The following OSBPL3 variants were observed in gnomAD, a reference collection of about 807,000 sequenced individuals.
The protein encoded by OSBPL3 is oxysterol-binding protein-related protein 3.
A neutral mutation model predicts 120.1 loss-of-function variants in OSBPL3; 65 were observed. That is an observed-to-expected ratio of 0.54 (90% confidence interval 0.44 to 0.67). The LOEUF (loss-of-function observed/expected upper bound fraction) is 0.67, where lower values mean the gene tolerates loss of function less well. Among genes scored for constraint, OSBPL3 ranks in the 30% least tolerant of loss-of-function variants. The pLI, the probability that OSBPL3 is intolerant of heterozygous loss-of-function variation, is 0.00. For missense variants in OSBPL3, 1,004 were observed against 1,082.1 expected, an observed-to-expected ratio of 0.93 and a Z score of 1.01; for synonymous variants, 416 against 402.6, an observed-to-expected ratio of 1.03 and a Z score of -0.40.
chr7:24,834,338 C>T lies in OSBPL3; in HGVS notation c.1746+148G>A. 1.4e-6 allele frequency: 2 copies of T among 1,478,596 alleles called. No individual in the cohort carries two copies. The highest frequency in any genetic ancestry group is 2.4e-5 in the Admixed American group (1 of 40,998). The allele number at this position is 1,478,596 out of a possible 1,614,324, so 91.6% of individuals were successfully genotyped here. A position where few individuals can be genotyped will look rare whatever the true frequency, so the allele number is the denominator to read the frequency against. Reference sequence around the variant, plus strand: ...ACTGGAAACAGCCAGGCGGAGGAAGCCAGACAGCTCTGAGTAATGAACCTG... The same window carrying T: ...ACTGGAAACAGCCAGGCGGAGGAAGTCAGACAGCTCTGAGTAATGAACCTG... On this transcript the variant is annotated intron_variant, in intron 15 of 22. Coordinates refer to ENST00000313367, the MANE Select transcript of OSBPL3 (RefSeq NM_015550.4). This position sits in a 1 kb window ranked among gnomAD's most constrained non-coding sequence, Gnocchi z 5.2.
At position 24,959,671 on chromosome 7, in the gene OSBPL3, G is replaced by A. The variant is rs1815494903; in HGVS notation, c.-150+20215C>T. On this transcript the variant is annotated intron_variant, in intron 1 of 22. Coordinates refer to ENST00000313367, the MANE Select transcript of OSBPL3 (RefSeq NM_015550.4). This position sits in a 1 kb window ranked among gnomAD's most constrained non-coding sequence, Gnocchi z 4.3. ...TTGATGCTTTGTATACTTTTCTGCA[G>A]GCATATTATACTTTAACAAAAATGT... Among the ~76,000 whole-genome samples, 1 of 152,104 alleles carries A rather than the reference G, an allele frequency of 6.6e-6. No homozygotes were observed. The highest frequency in any genetic ancestry group is 1.9e-4 in the East Asian group (1 of 5,198).
chr7:24,857,092 G>A (rs567781526), intron 10 of OSBPL3, among the ~76,000 whole-genome samples: 174 of 152,130 alleles, frequency 1.1e-3, no homozygotes, highest in African/African-American at 4.1e-3. Flanking sequence ...TAACACACTT[G>A]GCTTTTTATT....
In OSBPL3 at chr7:24,863,071, A is replaced by G. The variant is rs1800802368; in HGVS notation, c.870+129T>C. The G allele has an allele frequency of 1.5e-6, 1 of 687,162 alleles. No homozygotes were observed. The highest frequency in any genetic ancestry group is 2.2e-5 in the Admixed American group (1 of 45,164). The allele number at this position is 687,162 out of a possible 1,614,324, so 42.6% of individuals were successfully genotyped here. A position where few individuals can be genotyped will look rare whatever the true frequency, so the allele number is the denominator to read the frequency against. ...GATTCAATTCATCTCGCTACAGAGG[A>G]CACTGGAAAGAACAACTACAGAATA... On this transcript the variant is annotated intron_variant, in intron 9 of 22. Transcript: ENST00000313367. The surrounding 1 kb of genome is among the most constrained non-coding windows in gnomAD (Gnocchi z 5.8).
In OSBPL3 at chr7:24,967,912, ACTCT is replaced by A. The variant is rs1410455669; in HGVS notation, c.-150+11970_-150+11973del. Among the ~76,000 whole-genome samples, 1 of 151,724 alleles carries A rather than the reference ACTCT, an allele frequency of 6.6e-6. No homozygotes were observed. Among genetic ancestry groups the A allele is most frequent in the African/African-American group, 2.4e-5 (1 of 41,246 alleles). Reference sequence around the variant, plus strand: ...GCTCAGCATATTCAAAACCAAAAGCACTCTCTTTCTCTAAGATCTACTCATCTTC... The same window carrying A: ...GCTCAGCATATTCAAAACCAAAAGCACTTTCTCTAAGATCTACTCATCTTC... On this transcript the variant is annotated intron_variant, in intron 1 of 22. Coordinates refer to ENST00000313367, the MANE Select transcript of OSBPL3 (RefSeq NM_015550.4). The surrounding 1 kb of genome is among the most constrained non-coding windows in gnomAD (Gnocchi z 5.6).
At chr7:24,921,161 T>C (rs781052818) in intron 1 of OSBPL3, among the ~76,000 whole-genome samples, 23 of 151,926 alleles carry the variant, frequency 1.5e-4, no homozygotes, top group Non-Finnish European at 2.2e-4. Flanking sequence ...ATCTTTGCTC[T>C]ATATGCTTGC....
rs1809753053 is a variant in OSBPL3, at chr7:24,917,403, T to TATATATATATATATATATATTTGTAAC, written c.-149-24783_-149-24782insGTTACAAATATATATATATATATATAT. Reference sequence around the variant, plus strand: ...GTAACATATATATATATTTGTAACATATATATATATATATATATATATATT... The same window carrying TATATATATATATATATATATTTGTAAC: ...GTAACATATATATATATTTGTAACATATATATATATATATATATATTTGTAACATATATATATATATATATATATATT... On this transcript the variant is annotated intron_variant, in intron 1 of 22. Transcript: ENST00000313367. 7.9e-5 allele frequency among the ~76,000 whole-genome samples: 6 copies of TATATATATATATATATATATTTGTAAC among 76,092 alleles called. No homozygotes were observed. The East Asian group carries it at 2.2e-3, about 27-fold the overall frequency. 49.9% of individuals were successfully genotyped at this position (76,092 alleles called of 152,430 possible).
At chr7:24,908,606 G>A (rs1224810168) in intron 1 of OSBPL3, among the ~76,000 whole-genome samples, 1 of 152,134 alleles carries the variant, frequency 6.6e-6, no homozygotes, top group Non-Finnish European at 1.5e-5. Context: ...CGCTAACCGT[G>A]GTGAGACAGA....
In OSBPL3 at chr7:24,830,718, G is replaced by A. The variant is rs1468671605; in HGVS notation, c.1884+50C>T. The A allele has an allele frequency of 6.5e-7, 1 of 1,539,502 alleles. No homozygotes were observed. The highest frequency in any genetic ancestry group is 2.3e-5 in the East Asian group (1 of 43,040). On this transcript the variant is annotated intron_variant, in intron 16 of 22. Coordinates refer to ENST00000313367, the MANE Select transcript of OSBPL3 (RefSeq NM_015550.4). The surrounding 1 kb of genome is among the most constrained non-coding windows in gnomAD (Gnocchi z 4.4). ...TAAATATTTCAGAAGCACATTTAAT[G>A]GGAGACATAAGCAACCCCTCCCAAC... is the stretch of plus-strand genomic sequence containing the variant.
chr7:24,823,438 A>T (rs895817864), intron 16 of OSBPL3, among the ~76,000 whole-genome samples: 8 of 152,152 alleles, frequency 5.3e-5, no homozygotes, highest in Non-Finnish European at 1.0e-4. Context: ...GCCTGATTTT[A>T]TAAATTAGGA....
intron 1 of OSBPL3, among the ~76,000 whole-genome samples, chr7:24,929,008 G>A (rs1487803588): frequency 6.6e-6 from 1 of 152,176 alleles, no homozygotes; most frequent in Middle Eastern, 3.2e-3. Context: ...TAAATACAAA[G>A]AAGCAGTACG....
intron 1 of OSBPL3, among the ~76,000 whole-genome samples, chr7:24,963,570 G>A (rs1320751877): frequency 6.6e-6 from 1 of 152,148 alleles, no homozygotes; most frequent in Non-Finnish European, 1.5e-5. Flanking sequence ...TATGCACAAG[G>A]ACCCTGGGTG....
Position 24,815,356 on chromosome 7 carries a change from G to T in OSBPL3, c.2028-153C>A, listed in dbSNP as rs907340209. 2.6e-5 allele frequency among the ~76,000 whole-genome samples: 4 copies of T among 152,194 alleles called. No homozygotes were observed. Among genetic ancestry groups the T allele is most frequent in the Non-Finnish European group, 4.4e-5 (3 of 68,044 alleles). On this transcript the variant is annotated intron_variant, in intron 18 of 22. Coordinates refer to ENST00000313367, the MANE Select transcript of OSBPL3 (RefSeq NM_015550.4). This position sits in a 1 kb window ranked among gnomAD's most constrained non-coding sequence, Gnocchi z 5.1. ...CTGGCTAAGTGTCTATGTCACACTG[G>T]ATGTTCTAGGAGCTTCCACTCTCCA...
chr7:24,863,825 A>C lies in OSBPL3; in HGVS notation c.674-226T>G, dbSNP rs566978167. Among the ~76,000 whole-genome samples the C allele has an allele frequency of 6.6e-6, 1 of 152,296 alleles. No homozygotes were observed. Among genetic ancestry groups the C allele is most frequent in the East Asian group, 1.9e-4 (1 of 5,190 alleles). On this transcript the variant is annotated intron_variant, in intron 7 of 22. Transcript: ENST00000313367. The surrounding 1 kb of genome is among the most constrained non-coding windows in gnomAD (Gnocchi z 5.8). ...TGCTTCAGTTTGAATCCACTTAATG[A>C]ACTGTAACTATTGAGAAAATTGCAA...
intron 19 of OSBPL3, chr7:24,810,305 C>T (rs541446863): frequency 3.5e-5 from 6 of 172,988 alleles, no homozygotes; most frequent in Non-Finnish European, 7.4e-5. Flanking sequence ...AGGCAGATCA[C>T]CTAAGGTCGG....
intron 1 of OSBPL3, among the ~76,000 whole-genome samples, chr7:24,948,455 G>A (rs1361830062): frequency 6.6e-6 from 1 of 152,088 alleles, no homozygotes; most frequent in East Asian, 1.9e-4. Flanking sequence ...TCATGCAATG[G>A]TACTGAGTCA....
rs372021686 is a variant in OSBPL3 at position 24,922,987 on chromosome 7, T to C, written c.-149-30366A>G. Among the ~76,000 whole-genome samples, 1 of 152,148 alleles carries C rather than the reference T, an allele frequency of 6.6e-6. No homozygotes were observed. The highest frequency in any genetic ancestry group is 1.9e-4 in the East Asian group (1 of 5,182). ...AGAATAAGAAAAAGAAAAAAACATA[T>C]AAACATGACCATCAGAGATACTCTA... On this transcript the variant is annotated intron_variant, in intron 1 of 22. Coordinates refer to ENST00000313367, the MANE Select transcript of OSBPL3 (RefSeq NM_015550.4). This position sits in a 1 kb window ranked among gnomAD's most constrained non-coding sequence, Gnocchi z 4.3.
intron 1 of OSBPL3, among the ~76,000 whole-genome samples, chr7:24,954,575 A>C (rs1013871374): frequency 6.6e-6 from 1 of 152,076 alleles, no homozygotes; most frequent in African/African-American, 2.4e-5. Flanking sequence ...CACACAAATC[A>C]GAAAAAAAAA....
At chr7:24,914,945 G>C (rs1809332503) in intron 1 of OSBPL3, among the ~76,000 whole-genome samples, 1 of 152,132 alleles carries the variant, frequency 6.6e-6, no homozygotes, top group Non-Finnish European at 1.5e-5. Context: ...CAAGACAACA[G>C]GCTGTCAGGC....
Position 24,917,428 on chromosome 7 carries a change from T to TATATATATATATA in OSBPL3, c.-149-24808_-149-24807insTATATATATATAT, listed in dbSNP as rs1562924930. Among the ~76,000 whole-genome samples, 136 of 92,252 alleles carry TATATATATATATA rather than the reference T, an allele frequency of 1.5e-3. 3 individuals are homozygous for TATATATATATATA. Among genetic ancestry groups the TATATATATATATA allele is most frequent in the East Asian group, 9.6e-3 (33 of 3,434 alleles). The allele number at this position is 92,252 out of a possible 152,430, so 60.5% of individuals were successfully genotyped here. ...TATATATATATATATATATATATAT[T>TATATATATATATA]TGTAACATATATATATATACACACA... On this transcript the variant is annotated intron_variant, in intron 1 of 22. Transcript: ENST00000313367.
Sources: allele counts gnomAD v4.1 joint callset (sites outside exome capture counted in the v4.1 genomes callset), GRCh38; gene constraint gnomAD v4.1.1; non-coding constraint Gnocchi (gnomAD v3.1); transcripts MANE v1.5; gene names NCBI Gene and HGNC (gene_info 2026-07-23, HGNC 2026-07-21).